SLC2A14: variants seen among roughly 807,000 people sequenced by gnomAD.
The protein encoded by SLC2A14 is solute carrier family 2 member 14.
In SLC2A14, 13 loss-of-function variants were observed where a neutral mutation model predicts 43.0. That is an observed-to-expected ratio of 0.30 (90% CI 0.20 to 0.48). SLC2A14 has a LOEUF of 0.48. SLC2A14 is among the 20% of genes least tolerant of loss of function. The pLI, the probability that SLC2A14 is intolerant of heterozygous loss-of-function variation, is 0.99. For synonymous variants in SLC2A14, 190 were observed against 233.8 expected (o/e 0.81, Z 1.71); for missense variants, 428 against 620.4 (o/e 0.69, Z 3.29).
In SLC2A14 at chr12:7,869,916, TTTCTC is replaced by T; in HGVS notation, c.-41_-37del. 1 of 1,528,654 alleles carries T rather than the reference TTTCTC, an allele frequency of 6.5e-7. No individual in the cohort carries two copies. Among genetic ancestry groups the T allele is most frequent in the Admixed American group, 2.0e-5 (1 of 50,454 alleles). The allele number at this position is 1,528,654 out of a possible 1,614,324, so 94.7% of individuals were successfully genotyped here. ...TCCTAGGAATTGACTCCCTCTCCAA[TTTCTC>T]TTCAAGGTACTGCTTCCTGTAAATT... On this transcript the variant is annotated 5_prime_UTR_variant, in exon 2 of 11. Coordinates refer to ENST00000431042, the MANE Select transcript of SLC2A14 (RefSeq NM_001286234.2).
intron 2 of SLC2A14, among the ~76,000 whole-genome samples, chr12:7,843,198 C>G (rs1223107490): frequency 7.1e-6 from 1 of 141,642 alleles, no homozygotes; most frequent in East Asian, 2.0e-4. Context: ...CTTTTTCACC[C>G]TTTTTTATGT....
In SLC2A14 at chr12:7,818,134, G is replaced by T. The variant is rs1294302377; in HGVS notation, c.1072-100C>A. On this transcript the variant is annotated intron_variant, in intron 9 of 10. Coordinates refer to ENST00000431042, the MANE Select transcript of SLC2A14 (RefSeq NM_001286234.2). ...AATGGCAAGCTCCTCCTGTCCTGAC[G>T]TACAATACAAAGAGTGGCTGTGGAA... The T allele has an allele frequency of 7.7e-6, 8 of 1,044,122 alleles. No homozygotes were observed. The South Asian group carries it at 1.3e-4, about 17-fold the overall frequency. 64.7% of individuals were successfully genotyped at this position (1,044,122 alleles called of 1,614,324 possible). A position where few individuals can be genotyped will look rare whatever the true frequency, so the allele number is the denominator to read the frequency against.
In SLC2A14 at chr12:7,832,729, G is replaced by A. The variant is rs147077905; in HGVS notation, c.104C>T (p.Pro35Leu). The A allele has an allele frequency of 8.7e-6, 14 of 1,614,000 alleles. No homozygotes were observed. Among genetic ancestry groups the A allele is most frequent in the Non-Finnish European group, 1.1e-5 (13 of 1,179,922 alleles). The change falls in exon 3 of 11, where the codon CCT becomes CTT. Residue 35 changes from proline to leucine, a missense_variant. This residue lies in a region of SLC2A14 where 122 missense variants were observed against 128.8 expected (regional missense o/e 0.95). Coordinates refer to ENST00000431042, the MANE Select transcript of SLC2A14 (RefSeq NM_001286234.2). ...FGYNTGVINAPETIIKEFINK... is the reference protein window; with the variant it reads ...FGYNTGVINALETIIKEFINK... ...TTGTGGCCTGGCACTCACCGTCTCA[G>A]GAGCATTGATGACCCCAGTGTTGTA...
rs1311341864 is a variant in SLC2A14, at chr12:7,869,845, A to G, written c.18+18T>C. ...CTGACAAACCAATTTGATATCTGACATCAGTTTTAATACTCACATTCTGTC... is the reference window on the plus strand; with the variant it reads ...CTGACAAACCAATTTGATATCTGACGTCAGTTTTAATACTCACATTCTGTC... On this transcript the variant is annotated intron_variant, in intron 2 of 10. Transcript: ENST00000431042. The G allele has an allele frequency of 2.8e-6, 4 of 1,437,712 alleles. No homozygotes were observed. The highest frequency in any genetic ancestry group is 1.2e-5 in the South Asian group (1 of 81,844). The allele number at this position is 1,437,712 out of a possible 1,614,324, so 89.1% of individuals were successfully genotyped here.
At chr12:7,821,169 C>T in intron 8 of SLC2A14, 52 bp downstream of exon 8, 1 of 1,363,458 alleles carries the variant, frequency 7.3e-7, no homozygotes, top group Non-Finnish European at 1.0e-6. Context: ...CTTTGAACAT[C>T]TGTAGCAAGG....
At chr12:7,843,771 T>TATC (rs1484322054) in intron 2 of SLC2A14, among the ~76,000 whole-genome samples, 1 of 150,888 alleles carries the variant, frequency 6.6e-6, no homozygotes, top group Non-Finnish European at 1.5e-5. Flanking sequence ...GAAGCTGAAA[T>TATC]ATCATCATCA....
At position 7,870,207 on chromosome 12, in the gene SLC2A14, C is replaced by T. The variant is rs758337005; in HGVS notation, c.-57-270G>A. On this transcript the variant is annotated intron_variant, in intron 1 of 10. Coordinates refer to ENST00000431042, the MANE Select transcript of SLC2A14 (RefSeq NM_001286234.2). ...ACAGCTGAAGGTAAGGTAAAAATGT[C>T]TCTCCTATATTTTGAGTTGTTTCTC... Among the ~76,000 whole-genome samples, 11 of 152,200 alleles carry T rather than the reference C, an allele frequency of 7.2e-5. 1 individual carries two copies. The South Asian group carries it at 2.1e-3, about 29-fold the overall frequency.
At position 7,828,833 on chromosome 12, in the gene SLC2A14, C is replaced by T; in HGVS notation, c.547G>A (p.Glu183Lys). The change falls in exon 6 of 11, where the codon GAG (glutamate) becomes AAG (lysine). Residue 183 changes from glutamate to lysine, a missense_variant. Coordinates refer to ENST00000431042, the MANE Select transcript of SLC2A14 (RefSeq NM_001286234.2). Reference sequence around the variant, plus strand: ...AAGCCTAATAGCACCGGCCATAGCTCTTCAGACCCAAGGATGAGTTCCAGA... The same window carrying T: ...AAGCCTAATAGCACCGGCCATAGCTTTTCAGACCCAAGGATGAGTTCCAGA... ...FGLELILGSE[E>K]LWPVLLGFTI... 1.2e-6 allele frequency: 2 copies of T among 1,614,136 alleles called. No homozygotes were observed. The highest frequency in any genetic ancestry group is 1.7e-6 in the Non-Finnish European group (2 of 1,180,006).
intron 2 of SLC2A14, among the ~76,000 whole-genome samples, chr12:7,844,319 G>C (rs915781474): frequency 6.6e-6 from 1 of 152,102 alleles, no homozygotes; most frequent in Non-Finnish European, 1.5e-5. Flanking sequence ...GGTGTTGGTA[G>C]TTCATTCCTT....
intron 1 of SLC2A14, among the ~76,000 whole-genome samples, chr12:7,890,357 T>C (rs74059315): frequency 0.018 from 2,739 of 152,122 alleles, 81 homozygotes; most frequent in African/African-American, 0.063. Context: ...CTGTTAATTT[T>C]CTGCAATTCC....
Position 7,816,152 on chromosome 12 carries a change from C to T in SLC2A14, c.1276-1618G>A, listed in dbSNP as rs1187977573. On this transcript the variant is annotated intron_variant, in intron 10 of 10. Transcript: ENST00000431042. ...TCGCTCTGTCGCCCAGGCCGGACTG[C>T]GGACTGCAGTGGCGCAATCTCGGCT... Among the ~76,000 whole-genome samples the T allele has an allele frequency of 5.5e-5, 3 of 54,894 alleles. 1 individual carries two copies. Among genetic ancestry groups the T allele is most frequent in the Non-Finnish European group, 1.1e-4 (3 of 27,882 alleles). 36.0% of individuals were successfully genotyped at this position (54,894 alleles called of 152,430 possible).
upstream of SLC2A14, chr12:7,873,487 A>G (rs1194976311): frequency 2.6e-6 from 1 of 387,246 alleles, no homozygotes; most frequent in African/African-American, 2.2e-5. Flanking sequence ...ACTAAAAATA[A>G]CAAAATTAGG....
At chr12:7,826,869 C>CTTTTT (rs772239409) in intron 7 of SLC2A14, among the ~76,000 whole-genome samples, 5,207 of 33,958 alleles carry the variant, frequency 0.15, 707 homozygotes, top group Admixed American at 0.3. Flanking sequence ...TTTTTTCTTT[C>CTTTTT]TTTCTTTCTT....
upstream of SLC2A14, among the ~76,000 whole-genome samples, chr12:7,875,845 G>A (rs150980676): frequency 5.3e-4 from 81 of 152,138 alleles, 1 homozygote; most frequent in African/African-American, 2.0e-3. Context: ...GTGCAGTGGC[G>A]CATGCCTGTA....
chr12:7,836,138 G>A (rs906572841), intron 2 of SLC2A14, among the ~76,000 whole-genome samples: 1 of 151,886 alleles, frequency 6.6e-6, no homozygotes, highest in Non-Finnish European at 1.5e-5. Flanking sequence ...TCGTGTCAGA[G>A]TCCTACTCAA....
At chr12:7,887,602 TA>T (rs1264817380) in intron 1 of SLC2A14, among the ~76,000 whole-genome samples, 2 of 121,958 alleles carry the variant, frequency 1.6e-5, no homozygotes, top group Non-Finnish European at 3.9e-5. Context: ...GATAGATAGA[TA>T]GATAGATAGT....
At chr12:7,860,462 C>G (rs1201023793) in intron 2 of SLC2A14, 1 of 152,140 alleles carries the variant, frequency 6.6e-6, no homozygotes, top group Non-Finnish European at 1.5e-5. Flanking sequence ...TCCGGAAATA[C>G]ACTCTTGGAA....
intron 2 of SLC2A14, among the ~76,000 whole-genome samples, chr12:7,843,699 G>C (rs1446845120): frequency 6.8e-6 from 1 of 146,216 alleles, no homozygotes; most frequent in Non-Finnish European, 1.5e-5. Context: ...AAACCTGGCC[G>C]TCTTCCTGAA....
chr12:7,868,222 T>C (rs1592305757), intron 2 of SLC2A14, among the ~76,000 whole-genome samples: 3 of 152,322 alleles, frequency 2.0e-5, no homozygotes, highest in Admixed American at 2.0e-4. Flanking sequence ...GATTATGACA[T>C]GCTGAAGGCT....
Sources: gnomAD v4.1 joint callset for allele counts (sites outside exome capture counted in the v4.1 genomes callset) on GRCh38, gnomAD v4.1.1 for gene constraint, gnomAD v4.1.1 regional missense constraint, MANE v1.5 for transcripts, NCBI Gene and HGNC (gene_info 2026-07-23, HGNC 2026-07-21) for gene names.